Variants in NLGN1 observed in about 807,000 individuals in gnomAD.
The protein encoded by NLGN1 is neuroligin-1.
In NLGN1, 12 loss-of-function variants were observed where a neutral mutation model predicts 65.5. The ratio of observed to expected loss-of-function variants is 0.18; its 90% CI spans 0.12 to 0.30. NLGN1 has a LOEUF of 0.30. Ranked by LOEUF, NLGN1 falls within the 10% of genes least tolerant of loss-of-function variation. The pLI is 1.00. For synonymous variants in NLGN1, 350 were observed against 359.5 expected, an observed-to-expected ratio of 0.97 and a Z score of 0.30; for missense variants, 750 against 1,007.1, an observed-to-expected ratio of 0.74 and a Z score of 3.46.
chr3:174,129,056 A>G lies in NLGN1; in HGVS notation c.647-146259A>G, dbSNP rs1249857069. Among the ~76,000 whole-genome samples, 3 of 152,228 alleles carry G rather than the reference A, an allele frequency of 2.0e-5. No homozygotes were observed. In the East Asian group the frequency reaches 5.8e-4, roughly 30 times the overall value. On this transcript the variant is annotated intron_variant, in intron 4 of 6. Transcript: ENST00000457714. The stretch of plus-strand genomic sequence containing the variant: ...TCAATTAAAACATGTCCAAACATGT[A>G]TGGTTAGCCTGTTGTCAAATCTGGA...
intron 4 of NLGN1, among the ~76,000 whole-genome samples, chr3:174,062,688 C>G (rs1046504431): frequency 6.6e-6 from 1 of 151,884 alleles, no homozygotes; most frequent in African/African-American, 2.4e-5. Flanking sequence ...TTGTTTCTAT[C>G]TAATTTTTTT....
At position 173,722,247 on chromosome 3, in the gene NLGN1, T is replaced by C. The variant is rs865913270; in HGVS notation, c.494-85433T>C. On this transcript the variant is annotated intron_variant, in intron 3 of 6. Transcript: ENST00000457714. ...CTTTTCTTTTCTTCTTCTTCTTTTTTTTTTTTTTTTTTTTTTAACAGAGTC... is the reference window on the plus strand; with the variant it reads ...CTTTTCTTTTCTTCTTCTTCTTTTTCTTTTTTTTTTTTTTTTAACAGAGTC... Among the ~76,000 whole-genome samples the C allele has an allele frequency of 7.5e-3, 1,091 of 144,528 alleles. 12 individuals carry two copies. The highest frequency in any genetic ancestry group is 0.025 in the African/African-American group (971 of 39,076). The allele number at this position is 144,528 out of a possible 152,430, so 94.8% of individuals were successfully genotyped here. A position where few individuals can be genotyped will look rare whatever the true frequency, so the allele number is the denominator to read the frequency against.
At chr3:174,173,051 C>T (rs1008709907) in intron 4 of NLGN1, among the ~76,000 whole-genome samples, 1 of 145,298 alleles carries the variant, frequency 6.9e-6, no homozygotes, top group African/African-American at 2.8e-5. Flanking sequence ...GGGGTAATTC[C>T]TGTGTATTTA....
intron 4 of NLGN1, among the ~76,000 whole-genome samples, chr3:173,895,668 A>G (rs894547207): frequency 5.3e-5 from 8 of 151,902 alleles, no homozygotes; most frequent in African/African-American, 1.9e-4. Context: ...AGAGAAGGAA[A>G]ACTTGGCAGC....
At chr3:173,662,008 A>T (rs571277446) in intron 3 of NLGN1, among the ~76,000 whole-genome samples, 1 of 152,106 alleles carries the variant, frequency 6.6e-6, no homozygotes, top group African/African-American at 2.4e-5. Context: ...TTAGAACTCA[A>T]ATGACAAGAG....
At chr3:173,826,644 C>T (rs1157178088) in intron 4 of NLGN1, among the ~76,000 whole-genome samples, 3 of 151,978 alleles carry the variant, frequency 2.0e-5, no homozygotes, top group Non-Finnish European at 2.9e-5. Flanking sequence ...ATGATTCATT[C>T]GGTTGAAAAA....
chr3:174,047,381 A>G lies in NLGN1; in HGVS notation c.647-227934A>G, dbSNP rs114946607. ...AATTTTAGCCAAGGTCCAATACACAATTCTATATGTAATTGAGATGGTGAC... is the reference window on the plus strand; with the variant it reads ...AATTTTAGCCAAGGTCCAATACACAGTTCTATATGTAATTGAGATGGTGAC... On this transcript the variant is annotated intron_variant, in intron 4 of 6. Coordinates refer to ENST00000457714, the Ensembl canonical transcript of NLGN1. 6.0e-3 allele frequency among the ~76,000 whole-genome samples: 913 copies of G among 152,156 alleles called. 6 individuals are homozygous for G. Among genetic ancestry groups the G allele is most frequent in the Middle Eastern group, 0.051 (15 of 294 alleles).
chr3:173,688,187 C>T (rs190512711), intron 3 of NLGN1, among the ~76,000 whole-genome samples: 15 of 152,238 alleles, frequency 9.9e-5, no homozygotes, highest in Admixed American at 8.5e-4. Flanking sequence ...ACTTGTGAGT[C>T]GTATGACATG....
At chr3:173,868,626 G>A (rs1001838517) in intron 4 of NLGN1, among the ~76,000 whole-genome samples, 35 of 152,130 alleles carry the variant, frequency 2.3e-4, no homozygotes, top group African/African-American at 8.4e-4. Context: ...TGGAAATCTG[G>A]CAGGGCCTGA....
intron 2 of NLGN1, among the ~76,000 whole-genome samples, chr3:173,543,983 T>C (rs747870096): frequency 3.3e-5 from 5 of 152,134 alleles, no homozygotes; most frequent in Non-Finnish European, 5.9e-5. Flanking sequence ...CTAAGTGATA[T>C]ATAGAAGCCA....
At chr3:173,978,654 A>G (rs1443119734) in intron 4 of NLGN1, among the ~76,000 whole-genome samples, 1 of 151,898 alleles carries the variant, frequency 6.6e-6, no homozygotes, top group Non-Finnish European at 1.5e-5. Flanking sequence ...AGGGAAGAAA[A>G]GCATTCAAGA....
intron 1 of NLGN1, among the ~76,000 whole-genome samples, chr3:173,408,618 G>A (rs1016675472): frequency 6.6e-5 from 10 of 152,228 alleles, no homozygotes; most frequent in Middle Eastern, 6.8e-3. Context: ...AACTTCTCAA[G>A]AATAGGCGCA....
chr3:173,505,581 C>G (rs1731902909), intron 2 of NLGN1, among the ~76,000 whole-genome samples: 1 of 152,040 alleles, frequency 6.6e-6, no homozygotes, highest in African/African-American at 2.4e-5. Flanking sequence ...TATACTGTTC[C>G]TTGGTATACT....
intron 4 of NLGN1, among the ~76,000 whole-genome samples, chr3:174,168,903 G>A (rs1041883813): frequency 6.6e-6 from 1 of 152,164 alleles, no homozygotes; most frequent in Non-Finnish European, 1.5e-5. Context: ...TGGGGATAGG[G>A]GGTGGTCTAA....
intron 4 of NLGN1, among the ~76,000 whole-genome samples, chr3:174,270,639 A>G (rs540931234): frequency 6.6e-6 from 1 of 151,914 alleles, no homozygotes; most frequent in African/African-American, 2.4e-5. Flanking sequence ...GCTTGCTGAA[A>G]GTTTGGAGGT....
intron 3 of NLGN1, among the ~76,000 whole-genome samples, chr3:173,764,784 A>C (rs1578321876): frequency 6.6e-6 from 1 of 152,266 alleles, no homozygotes; most frequent in Non-Finnish European, 1.5e-5. Context: ...ATAAATATAG[A>C]GCTCTCCAGC....
intron 3 of NLGN1, among the ~76,000 whole-genome samples, chr3:173,606,172 G>A (rs1051849975): frequency 1.3e-5 from 2 of 151,960 alleles, no homozygotes; most frequent in African/African-American, 2.4e-5. Flanking sequence ...AGATTTTGCA[G>A]ATTTGATACT....
At position 173,963,688 on chromosome 3, in the gene NLGN1, A is replaced by G. The variant is rs1400749299; in HGVS notation, c.646+155856A>G. Among the ~76,000 whole-genome samples, 49 of 152,244 alleles carry G rather than the reference A, an allele frequency of 3.2e-4. 2 individuals carry two copies. The highest frequency in any genetic ancestry group is 3.2e-3 in the Admixed American group (49 of 15,290). On this transcript the variant is annotated intron_variant, in intron 4 of 6. Transcript: ENST00000457714. The stretch of plus-strand genomic sequence containing the variant: ...ATAATTAGGACAGGATGTTATCATC[A>G]AAACTAATAAAGATTATATGAGGTA...
intron 4 of NLGN1, among the ~76,000 whole-genome samples, chr3:173,973,183 T>C (rs1033184841): frequency 7.2e-5 from 11 of 152,118 alleles, no homozygotes; most frequent in Admixed American, 6.6e-5. Context: ...ATTGAAATAA[T>C]AATTAACAAA....
Sources: gnomAD v4.1 joint callset for allele counts (sites outside exome capture counted in the v4.1 genomes callset) on GRCh38, gnomAD v4.1.1 for gene constraint, MANE v1.5 for transcripts, NCBI Gene and HGNC (gene_info 2026-07-23, HGNC 2026-07-21) for gene names.